MICAL2: variants seen among roughly 807,000 people sequenced by gnomAD.
MICAL2 encodes the protein [F-actin]-monooxygenase MICAL2.
MICAL2 carries 77 observed loss-of-function variants against 127.3 expected under a neutral mutation model. The ratio of observed to expected loss-of-function variants is 0.60; its 90% CI spans 0.50 to 0.73. The LOEUF (loss-of-function observed/expected upper bound fraction) is 0.73. Among genes scored for constraint, MICAL2 ranks in the 30% least tolerant of loss-of-function variants. The pLI, the probability that MICAL2 is intolerant of heterozygous loss-of-function variation, is 0.00. For synonymous variants in MICAL2, 570 were observed against 551.1 expected (o/e 1.03, Z -0.48); for missense variants, 1,351 against 1,434.4 (o/e 0.94, Z 0.94).
At chr11:12,334,165 T>A (rs1194408710) in intron 32 of MICAL2, among the ~76,000 whole-genome samples, 2 of 152,200 alleles carry the variant, frequency 1.3e-5, no homozygotes, top group African/African-American at 4.8e-5. Flanking sequence ...CACACTCTGT[T>A]ATCCACAGAG....
intron 29 of MICAL2, among the ~76,000 whole-genome samples, chr11:12,315,695 G>T (rs144766548): frequency 6.6e-6 from 1 of 152,046 alleles, no homozygotes; most frequent in Non-Finnish European, 1.5e-5. Flanking sequence ...TTTCCTGTGC[G>T]CTTTCAAATA....
intron 1 of MICAL2, among the ~76,000 whole-genome samples, chr11:12,125,869 GTT>G (rs11307651): frequency 2.0e-5 from 3 of 151,452 alleles, no homozygotes; most frequent in South Asian, 2.1e-4. Context: ...TTCTTATTCA[GTT>G]TTTTTTTTCT....
At chr11:12,222,098 C>T (rs1856883726) in intron 10 of MICAL2, among the ~76,000 whole-genome samples, 1 of 152,226 alleles carries the variant, frequency 6.6e-6, no homozygotes, top group Non-Finnish European at 1.5e-5. Context: ...CAGGGCAGCG[C>T]TGAGTCTCCT....
In MICAL2 at chr11:12,259,822, G is replaced by A. The variant is rs1290771707; in HGVS notation, c.3259G>A (p.Ala1087Thr). Residue 1087 changes from alanine (A) to threonine (T), a missense_variant, in exon 26 of 28, where the codon GCC becomes ACC. Coordinates refer to ENST00000683283, the MANE Select transcript of MICAL2 (RefSeq NM_001282663.2). The stretch of plus-strand genomic sequence containing the variant: ...GGAGGCAACATGGCAAGAGCAGGAA[G>A]CCCCTCGGAGAGACACTCCCACCGA... ...EEEATWQEQE[A>T]PRRDTPTESS... The A allele has an allele frequency of 1.3e-6, 2 of 1,564,896 alleles. No homozygotes were observed. Among genetic ancestry groups the A allele is most frequent in the Non-Finnish European group, 1.7e-6 (2 of 1,152,760 alleles).
downstream of MICAL2, among the ~76,000 whole-genome samples, chr11:12,291,581 T>C (rs766346481): frequency 4.1e-4 from 62 of 152,338 alleles, no homozygotes; most frequent in Middle Eastern, 3.4e-3. Flanking sequence ...ATCCTTCCAA[T>C]GATTTGATAC....
intron 2 of MICAL2, 145 bp from the exon 3 acceptor site, chr11:12,161,933 TA>T: frequency 1.7e-6 from 1 of 601,780 alleles, no homozygotes; most frequent in South Asian, 2.1e-5. Flanking sequence ...GTATCTGTTA[TA>T]AATATTTATG....
intron 3 of MICAL2, among the ~76,000 whole-genome samples, chr11:12,171,151 C>G (rs1193592190): frequency 2.0e-5 from 3 of 152,214 alleles, no homozygotes; most frequent in Non-Finnish European, 4.4e-5. Flanking sequence ...CATCTGGCTG[C>G]CCGTGGAGCT....
intron 15 of MICAL2, among the ~76,000 whole-genome samples, chr11:12,229,218 G>A (rs1323588639): frequency 6.6e-6 from 1 of 152,202 alleles, no homozygotes; most frequent in Non-Finnish European, 1.5e-5. Flanking sequence ...AACCCCAGGA[G>A]CAGGATACTT....
At chr11:12,303,092 A>G (rs1173047723) in intron 29 of MICAL2, among the ~76,000 whole-genome samples, 2 of 152,200 alleles carry the variant, frequency 1.3e-5, no homozygotes, top group Admixed American at 6.5e-5. Context: ...CTCACTCACT[A>G]TCACAAAAAC....
intron 3 of MICAL2, among the ~76,000 whole-genome samples, chr11:12,167,404 G>C (rs1217802266): frequency 6.6e-6 from 1 of 152,188 alleles, no homozygotes; most frequent in African/African-American, 2.4e-5. Flanking sequence ...GGGCCAGACG[G>C]CCCTATGGTC....
intron 1 of MICAL2, among the ~76,000 whole-genome samples, chr11:12,133,857 A>G (rs1002573379): frequency 4.6e-5 from 7 of 152,214 alleles, no homozygotes; most frequent in Non-Finnish European, 4.4e-5. Context: ...TCTGTGTCTC[A>G]GGGCTGCGCT....
chr11:12,205,811 T>C (rs1648854296), intron 4 of MICAL2, among the ~76,000 whole-genome samples: 1 of 152,230 alleles, frequency 6.6e-6, no homozygotes, highest in African/African-American at 2.4e-5. Context: ...CATCCCATGC[T>C]GTACAGTGAG....
chr11:12,296,115 C>T (rs1205889447), downstream of MICAL2, among the ~76,000 whole-genome samples: 1 of 151,804 alleles, frequency 6.6e-6, no homozygotes, highest in Non-Finnish European at 1.5e-5. Context: ...CTCCTCCTTG[C>T]CAAAGTTTTA....
intron 4 of MICAL2, among the ~76,000 whole-genome samples, chr11:12,207,539 C>T (rs1854862294): frequency 2.0e-5 from 3 of 152,220 alleles, no homozygotes; most frequent in Admixed American, 6.5e-5. Flanking sequence ...CCTACCCACT[C>T]CTCACCACTG....
intron 3 of MICAL2, among the ~76,000 whole-genome samples, chr11:12,182,127 T>C (rs1483148276): frequency 6.6e-6 from 1 of 152,266 alleles, no homozygotes; most frequent in Non-Finnish European, 1.5e-5. Flanking sequence ...CAACTAGATC[T>C]TGTTACTTAC....
intron 1 of MICAL2, among the ~76,000 whole-genome samples, chr11:12,280,558 A>G (rs1435577028): frequency 1.3e-5 from 2 of 152,170 alleles, no homozygotes; most frequent in South Asian, 4.1e-4. Flanking sequence ...TAGCTTGTAG[A>G]TGGCATCTTC....
intron 32 of MICAL2, among the ~76,000 whole-genome samples, chr11:12,327,506 G>A (rs2134853472): frequency 6.6e-6 from 1 of 152,336 alleles, no homozygotes; most frequent in East Asian, 1.9e-4. Flanking sequence ...GCATTGGTCA[G>A]CCCGCGGGCC....
chr11:12,232,417 T>C (rs1360693557), intron 15 of MICAL2, among the ~76,000 whole-genome samples: 7 of 152,160 alleles, frequency 4.6e-5, no homozygotes, highest in Admixed American at 3.3e-4. Flanking sequence ...GAAGTAGAAC[T>C]CAGATGTTTA....
At chr11:12,187,441 C>G (rs563445559) in intron 3 of MICAL2, among the ~76,000 whole-genome samples, 29 of 152,320 alleles carry the variant, frequency 1.9e-4, no homozygotes, top group African/African-American at 7.0e-4. Context: ...CAACACTTCC[C>G]CCTCTGGGGC....
Sources: allele counts gnomAD v4.1 joint callset (sites outside exome capture counted in the v4.1 genomes callset), GRCh38; gene constraint gnomAD v4.1.1; transcripts MANE v1.5; gene names NCBI Gene and HGNC (gene_info 2026-07-23, HGNC 2026-07-21).